UHRF2: variants seen among roughly 807,000 people sequenced by gnomAD.
UHRF2 encodes ubiquitin like with PHD and ring finger domains 2.
Under a neutral mutation model 96.8 loss-of-function variants are expected in UHRF2, and 23 were observed. That is an observed-to-expected ratio of 0.24 (90% CI 0.17 to 0.34). The LOEUF (loss-of-function observed/expected upper bound fraction) is 0.34. Among genes scored for constraint, UHRF2 ranks in the 10% least tolerant of loss-of-function variants. The probability of loss-of-function intolerance (pLI) is 1.00; values close to 1 mark genes in which losing one functional copy is unlikely to be tolerated. For missense variants in UHRF2, 685 were observed against 981.5 expected, an observed-to-expected ratio of 0.70 and a Z score of 4.04; for synonymous variants, 385 against 332.6, an observed-to-expected ratio of 1.16 and a Z score of -1.72.
At chr9:6,480,387 A>G (rs893472762) in intron 6 of UHRF2, among the ~76,000 whole-genome samples, 5 of 152,248 alleles carry the variant, frequency 3.3e-5, no homozygotes, top group Non-Finnish European at 7.3e-5. Flanking sequence ...CAGCACGAAA[A>G]TAGTGCCTTG....
At chr9:6,437,887 C>T (rs1820943873) in intron 3 of UHRF2, among the ~76,000 whole-genome samples, 1 of 152,136 alleles carries the variant, frequency 6.6e-6, no homozygotes, top group African/African-American at 2.4e-5. Context: ...TGCGAGATTA[C>T]AGGTGTGAGC....
intron 4 of UHRF2, among the ~76,000 whole-genome samples, chr9:6,470,061 G>C (rs1038872517): frequency 6.6e-6 from 1 of 152,248 alleles, no homozygotes; most frequent in East Asian, 1.9e-4. Context: ...GGAATGGCAT[G>C]TGAAAATACT....
intron 4 of UHRF2, among the ~76,000 whole-genome samples, chr9:6,471,271 C>T (rs901288688): frequency 3.3e-5 from 5 of 152,164 alleles, no homozygotes; most frequent in African/African-American, 1.2e-4. Flanking sequence ...GTATCAGTGG[C>T]TGTGCAGGAG....
chr9:6,475,508 T>C lies in UHRF2; in HGVS notation c.973+8T>C, dbSNP rs183432680. ...CAGATGGAAAGTTTTTAAGTATGGA[T>C]TTTTGTTTTTGGTCTTAGACTACAT... is the stretch of plus-strand genomic sequence containing the variant. On this transcript the variant is annotated splice_region_variant and intron_variant, in intron 5 of 15. Transcript: ENST00000276893. The C allele has an allele frequency of 1.5e-3, 2,344 of 1,567,134 alleles. 5 individuals are homozygous for C. The highest frequency in any genetic ancestry group is 2.4e-3 in the South Asian group (199 of 83,010).
intron 9 of UHRF2, chr9:6,492,165 T>G (rs143865484): frequency 3.3e-4 from 76 of 228,866 alleles, no homozygotes; most frequent in African/African-American, 1.6e-3. Flanking sequence ...GTACAGAATT[T>G]TAGCCATGTT....
intron 1 of UHRF2, among the ~76,000 whole-genome samples, chr9:6,418,799 C>G (rs1462216357): frequency 6.6e-6 from 1 of 152,150 alleles, no homozygotes; most frequent in African/African-American, 2.4e-5. Context: ...GGCTGTTGTA[C>G]TAATGTACCA....
At chr9:6,436,904 G>A (rs986188607) in intron 3 of UHRF2, among the ~76,000 whole-genome samples, 4 of 152,118 alleles carry the variant, frequency 2.6e-5, no homozygotes, top group South Asian at 2.1e-4. Context: ...TTAAAGATAC[G>A]ATAGCTGAAC....
intron 2 of UHRF2, among the ~76,000 whole-genome samples, chr9:6,430,042 T>G (rs1275907541): frequency 6.6e-6 from 1 of 152,194 alleles, no homozygotes. Flanking sequence ...GAAATGGAGT[T>G]TTACTCTTTT....
intron 6 of UHRF2, among the ~76,000 whole-genome samples, chr9:6,480,874 T>C (rs1265837296): frequency 6.6e-6 from 1 of 152,194 alleles, no homozygotes; most frequent in African/African-American, 2.4e-5. Flanking sequence ...GATTGACTTG[T>C]GGGCATAGTC....
chr9:6,478,972 C>T (rs778073066), intron 6 of UHRF2, among the ~76,000 whole-genome samples: 6 of 152,168 alleles, frequency 3.9e-5, no homozygotes, highest in Admixed American at 2.0e-4. Context: ...CTCTAAAATA[C>T]GCTCTTTCAC....
At position 6,504,789 on chromosome 9, in the gene UHRF2, G is replaced by A. The variant is rs530043691; in HGVS notation, c.2262+98G>A. The A allele has an allele frequency of 3.6e-5, 34 of 933,260 alleles. No homozygotes were observed. In the African/African-American group the frequency reaches 4.4e-4, roughly 12 times the overall value. The allele number at this position is 933,260 out of a possible 1,614,324, so 57.8% of individuals were successfully genotyped here. On this transcript the variant is annotated intron_variant, in intron 15 of 15. Transcript: ENST00000276893. ...TGCTAAGAAGCATTTTCCGTGAAGC[G>A]GGATAGTTGCGGAACCTTCTAGTTA...
intron 2 of UHRF2, among the ~76,000 whole-genome samples, chr9:6,424,486 ACT>A (rs1390436901): frequency 1.3e-5 from 2 of 152,198 alleles, no homozygotes; most frequent in East Asian, 3.8e-4. Context: ...TTACATTATT[ACT>A]TTTTTATTTG....
intron 10 of UHRF2, chr9:6,496,072 C>CT (rs1824948134): frequency 6.6e-6 from 1 of 151,782 alleles, no homozygotes; most frequent in Admixed American, 6.6e-5. Context: ...AAACAAAATA[C>CT]TTTCAAGTTT....
rs192784088 is a variant in UHRF2, at chr9:6,456,222, G to A, written c.645-4351G>A. 2.0e-4 allele frequency among the ~76,000 whole-genome samples: 31 copies of A among 152,110 alleles called. No individual in the cohort carries two copies. In the East Asian group the frequency reaches 6.0e-3, roughly 29 times the overall value. The stretch of plus-strand genomic sequence containing the variant: ...GTTTTTTCCTGACTTTTTAATGATC[G>A]CCATTCTAACTGGCGTGATATGGTA... On this transcript the variant is annotated intron_variant, in intron 3 of 15. Transcript: ENST00000276893.
At chr9:6,502,684 G>T (rs1816364511) in intron 14 of UHRF2, among the ~76,000 whole-genome samples, 1 of 152,156 alleles carries the variant, frequency 6.6e-6, no homozygotes, top group Non-Finnish European at 1.5e-5. Flanking sequence ...TATTACCACT[G>T]TAGATGAGTG....
intron 3 of UHRF2, among the ~76,000 whole-genome samples, chr9:6,436,577 A>G (rs1390825604): frequency 2.0e-5 from 3 of 152,242 alleles, no homozygotes; most frequent in Admixed American, 1.3e-4. Flanking sequence ...GGCAAATAAT[A>G]TTATGCAGAA....
chr9:6,422,544 C>A (rs1819990449), intron 2 of UHRF2: 3 of 458,828 alleles, frequency 6.5e-6, no homozygotes, highest in Non-Finnish European at 8.1e-6. Context: ...CTTGGAGAAT[C>A]GACATCTTTA....
At chr9:6,499,214 C>T (rs1825132131) in intron 12 of UHRF2, 1 of 152,288 alleles carries the variant, frequency 6.6e-6, no homozygotes, top group African/African-American at 2.4e-5. Flanking sequence ...GTGCTTTAAG[C>T]ATGACTGTTA....
At chr9:6,469,659 T>G (rs1303187412) in intron 4 of UHRF2, among the ~76,000 whole-genome samples, 1 of 148,786 alleles carries the variant, frequency 6.7e-6, no homozygotes, top group Admixed American at 6.7e-5. Flanking sequence ...TGATGAAAGG[T>G]GTGTGTGTGT....
Sources: allele counts gnomAD v4.1 joint callset (sites outside exome capture counted in the v4.1 genomes callset), GRCh38; gene constraint gnomAD v4.1.1; transcripts MANE v1.5; gene names NCBI Gene and HGNC (gene_info 2026-07-23, HGNC 2026-07-21).